The following WIF1 variants were observed in gnomAD, a reference collection of about 807,000 sequenced individuals.
WIF1 encodes Wnt inhibitory factor 1.
Under a neutral mutation model 53.5 loss-of-function variants are expected in WIF1, and 35 were observed. That is an observed-to-expected ratio of 0.65 (90% CI 0.50 to 0.87). WIF1 has a LOEUF of 0.87. WIF1 is among the 40% of genes least tolerant of loss of function. WIF1 has a pLI of 0.00. For missense variants in WIF1, 467 were observed against 476.8 expected (o/e 0.98, Z 0.19); for synonymous variants, 171 against 170.4 (o/e 1.00, Z -0.03).
intron 2 of WIF1, among the ~76,000 whole-genome samples, chr12:65,102,410 C>A (rs999284158): frequency 2.6e-5 from 4 of 152,160 alleles, no homozygotes; most frequent in Non-Finnish European, 5.9e-5. Context: ...GGCAGTCAAG[C>A]AGGAGTTCTC....
chr12:65,112,138 C>A (rs1883440744), intron 2 of WIF1, among the ~76,000 whole-genome samples: 1 of 152,114 alleles, frequency 6.6e-6, no homozygotes, highest in African/African-American at 2.4e-5. Context: ...AAATCCATTT[C>A]CAGTGTTCAG....
intron 2 of WIF1, among the ~76,000 whole-genome samples, chr12:65,082,356 G>T (rs998059854): frequency 6.6e-6 from 1 of 152,134 alleles, no homozygotes; most frequent in Non-Finnish European, 1.5e-5. Flanking sequence ...ATACTGGAGA[G>T]TCTAAAACCT....
At chr12:65,107,440 A>G (rs915023605) in intron 2 of WIF1, among the ~76,000 whole-genome samples, 1 of 152,150 alleles carries the variant, frequency 6.6e-6, no homozygotes, top group Non-Finnish European at 1.5e-5. Context: ...CCTGGCTAAC[A>G]TGCTGAAACC....
Position 65,087,336 on chromosome 12 carries a change from G to A in WIF1, c.289-9482C>T, listed in dbSNP as rs566957319. ...TTACAAAGTGTACATAAAAACTTGAGTAGCACATATAAGTAACTTAAAGAG... is the reference window on the plus strand; with the variant it reads ...TTACAAAGTGTACATAAAAACTTGAATAGCACATATAAGTAACTTAAAGAG... On this transcript the variant is annotated intron_variant, in intron 2 of 9. Coordinates refer to ENST00000286574, the MANE Select transcript of WIF1 (RefSeq NM_007191.5). Among the ~76,000 whole-genome samples, 4 of 152,250 alleles carry A rather than the reference G, an allele frequency of 2.6e-5. No homozygotes were observed. The East Asian group carries it at 7.7e-4, about 29-fold the overall frequency.
At chr12:65,062,319 T>G (rs1442353986) in intron 7 of WIF1, among the ~76,000 whole-genome samples, 162 bp downstream of exon 7, 1 of 152,150 alleles carries the variant, frequency 6.6e-6, no homozygotes, top group South Asian at 2.1e-4. Flanking sequence ...TCAGCCAAAA[T>G]GCATGGTAGC....
At chr12:65,106,356 TGA>T (rs1469373068) in intron 2 of WIF1, among the ~76,000 whole-genome samples, 10 of 149,934 alleles carry the variant, frequency 6.7e-5, no homozygotes, top group Admixed American at 1.3e-4. Context: ...TATATATATA[TGA>T]TCATATATAT....
At chr12:65,108,436 T>C (rs1883382400) in intron 2 of WIF1, among the ~76,000 whole-genome samples, 1 of 152,176 alleles carries the variant, frequency 6.6e-6, no homozygotes, top group Non-Finnish European at 1.5e-5. Flanking sequence ...CATCTGAATG[T>C]TCAGTAGAAA....
chr12:65,090,633 G>A (rs1268115730), intron 2 of WIF1, among the ~76,000 whole-genome samples: 1 of 152,122 alleles, frequency 6.6e-6, no homozygotes, highest in African/African-American at 2.4e-5. Flanking sequence ...AGGTTAAACA[G>A]GTGAAGGAGG....
At chr12:65,066,573 A>G in intron 6 of WIF1, 68 bp downstream of exon 6, 2 of 1,331,336 alleles carry the variant, frequency 1.5e-6, no homozygotes, top group South Asian at 3.1e-5. Context: ...GAGGACATAT[A>G]AAGTAACTTA....
intron 2 of WIF1, among the ~76,000 whole-genome samples, chr12:65,115,588 G>A (rs1883496867): frequency 6.6e-6 from 1 of 152,324 alleles, no homozygotes; most frequent in South Asian, 2.1e-4. Context: ...ATGCCTCATT[G>A]AAAGATATCA....
chr12:65,064,509 T>C (rs916187400), intron 6 of WIF1, among the ~76,000 whole-genome samples: 12 of 152,182 alleles, frequency 7.9e-5, no homozygotes, highest in African/African-American at 2.4e-4. Context: ...TCTATTTCCA[T>C]AGTAGTAATT....
rs1882436767 is a variant in WIF1 at position 65,051,332 on chromosome 12, G to A, written c.*17C>T. 8 of 1,608,868 alleles carry A rather than the reference G, an allele frequency of 5.0e-6. No homozygotes were observed. The highest frequency in any genetic ancestry group is 6.8e-6 in the Non-Finnish European group (8 of 1,178,006). On this transcript the variant is annotated 3_prime_UTR_variant, in exon 10 of 10. Coordinates refer to ENST00000286574, the MANE Select transcript of WIF1 (RefSeq NM_007191.5). ...CTATGAACTTGGTGTAACTTAAAAC[G>A]TTTCAGATGTCGGAGTTCACCAGAT... is the stretch of plus-strand genomic sequence containing the variant.
At chr12:65,079,010 C>G (rs1304762849) in intron 2 of WIF1, among the ~76,000 whole-genome samples, 1 of 151,832 alleles carries the variant, frequency 6.6e-6, no homozygotes, top group Non-Finnish European at 1.5e-5. Flanking sequence ...ACTAAAAATA[C>G]AAAACTTAGC....
chr12:65,099,809 A>C (rs182022825), intron 2 of WIF1, among the ~76,000 whole-genome samples: 168 of 152,306 alleles, frequency 1.1e-3, no homozygotes, highest in African/African-American at 3.6e-3. Context: ...TGTAGCATAC[A>C]CATTCTTTCT....
At chr12:65,116,654 A>G (rs1178313151) in intron 2 of WIF1, among the ~76,000 whole-genome samples, 1 of 151,950 alleles carries the variant, frequency 6.6e-6, no homozygotes, top group Non-Finnish European at 1.5e-5. Flanking sequence ...ATTGTCTTCC[A>G]CCAGGCGTGG....
Position 65,051,258 on chromosome 12 carries a change from G to A in WIF1, c.*91C>T. The stretch of plus-strand genomic sequence containing the variant: ...ATAAAATTCAGGCCAGTATTCTTAA[G>A]TGTAATGAACATTATTTGAACATTC... On this transcript the variant is annotated 3_prime_UTR_variant, in exon 10 of 10. Transcript: ENST00000286574. The A allele has an allele frequency of 6.8e-7, 1 of 1,463,906 alleles. No individual in the cohort carries two copies. Among genetic ancestry groups the A allele is most frequent in the East Asian group, 2.4e-5 (1 of 41,588 alleles). 90.7% of individuals were successfully genotyped at this position (1,463,906 alleles called of 1,614,324 possible).
chr12:65,068,659 G>GTA (rs1882725283), intron 4 of WIF1, 105 bp downstream of exon 4: 1 of 285,710 alleles, frequency 3.5e-6, no homozygotes, highest in Admixed American at 7.1e-5. Flanking sequence ...ATGTGTGTGT[G>GTA]TGTGTGTGTG....
chr12:65,066,481 G>A (rs1306158237), intron 6 of WIF1, among the ~76,000 whole-genome samples, 160 bp downstream of exon 6: 1 of 152,060 alleles, frequency 6.6e-6, no homozygotes, highest in Non-Finnish European at 1.5e-5. Flanking sequence ...TTGCTATTAT[G>A]CTACACTAAA....
At chr12:65,086,908 C>A (rs995711877) in intron 2 of WIF1, among the ~76,000 whole-genome samples, 1 of 151,876 alleles carries the variant, frequency 6.6e-6, no homozygotes, top group Non-Finnish European at 1.5e-5. Context: ...CTTTGGGAGG[C>A]TGAGGCAGTG....
Sources: allele counts gnomAD v4.1 joint callset (sites outside exome capture counted in the v4.1 genomes callset), GRCh38; gene constraint gnomAD v4.1.1; transcripts MANE v1.5; gene names NCBI Gene and HGNC (gene_info 2026-07-23, HGNC 2026-07-21).